SBF2: variants seen among roughly 807,000 people sequenced by gnomAD.
The protein encoded by SBF2 is myotubularin-related protein 13.
A neutral mutation model predicts 225.2 loss-of-function variants in SBF2; 112 were observed. That is an observed-to-expected ratio of 0.50 (90% confidence interval 0.43 to 0.58). The LOEUF (loss-of-function observed/expected upper bound fraction) is 0.58. SBF2 is among the 20% of genes least tolerant of loss of function. The probability of loss-of-function intolerance (pLI) is 0.00; values close to 1 mark genes in which losing one functional copy is unlikely to be tolerated. For synonymous variants in SBF2, 763 were observed against 773.3 expected, an observed-to-expected ratio of 0.99 and a Z score of 0.22; for missense variants, 1,996 against 2,206.2, an observed-to-expected ratio of 0.90 and a Z score of 1.91.
In SBF2 at chr11:9,863,755, T is replaced by TC. The variant is rs1491326268; in HGVS notation, c.1930-5360_1930-5359insG. Among the ~76,000 whole-genome samples the TC allele has an allele frequency of 9.9e-4, 75 of 75,448 alleles. 1 individual carries two copies. Among genetic ancestry groups the TC allele is most frequent in the South Asian group, 3.0e-3 (7 of 2,334 alleles). The allele number at this position is 75,448 out of a possible 152,430, so 49.5% of individuals were successfully genotyped here. The stretch of plus-strand genomic sequence containing the variant: ...TTTGCTTTGTCCCTCCCTCTCTCTC[T>TC]TTTTTTTTTTTTTTAAAGAAAGGAC... On this transcript the variant is annotated intron_variant, in intron 17 of 39. Coordinates refer to ENST00000256190, the MANE Select transcript of SBF2 (RefSeq NM_030962.4).
intron 14 of SBF2, among the ~76,000 whole-genome samples, chr11:9,965,370 C>T (rs1267847800): frequency 2.7e-5 from 4 of 147,060 alleles, no homozygotes; most frequent in Non-Finnish European, 4.4e-5. Flanking sequence ...GGCACGATCT[C>T]GGCTGCCTCC....
At chr11:10,297,126 G>T (rs1964556341), upstream of SBF2, among the ~76,000 whole-genome samples, 1 of 151,974 alleles carries the variant, frequency 6.6e-6, no homozygotes, top group Non-Finnish European at 1.5e-5. Context: ...TATATGATTT[G>T]CAGATATTTT....
chr11:9,835,140 A>G (rs1855654090), intron 26 of SBF2, among the ~76,000 whole-genome samples: 2 of 152,186 alleles, frequency 1.3e-5, no homozygotes, highest in African/African-American at 4.8e-5. Context: ...CTCCACAGTT[A>G]ACTCTCAAGA....
chr11:9,857,491 A>G (rs899342636), intron 18 of SBF2, among the ~76,000 whole-genome samples: 5 of 152,236 alleles, frequency 3.3e-5, no homozygotes, highest in Admixed American at 2.0e-4. Flanking sequence ...AGGCTGCTTT[A>G]AGTTCAATTC....
intron 16 of SBF2, among the ~76,000 whole-genome samples, chr11:9,908,781 T>C (rs908950810): frequency 6.6e-6 from 1 of 152,014 alleles, no homozygotes; most frequent in Admixed American, 6.6e-5. Flanking sequence ...CACTGTAGCC[T>C]TGACCTCCCG....
intron 1 of SBF2, among the ~76,000 whole-genome samples, chr11:10,292,724 G>A (rs1400249913): frequency 6.6e-6 from 1 of 151,190 alleles, no homozygotes; most frequent in Non-Finnish European, 1.5e-5. Flanking sequence ...GAGGGGGGGA[G>A]GCGGAACAAT....
intron 2 of SBF2, among the ~76,000 whole-genome samples, chr11:10,153,696 G>T (rs1955329995): frequency 1.3e-5 from 2 of 151,684 alleles, no homozygotes; most frequent in African/African-American, 4.8e-5. Context: ...CAATGAAAGT[G>T]GTAACAAAAG....
At chr11:10,221,373 C>A (rs1958334407) in intron 1 of SBF2, among the ~76,000 whole-genome samples, 1 of 152,152 alleles carries the variant, frequency 6.6e-6, no homozygotes, top group African/African-American at 2.4e-5. Flanking sequence ...CCGCCTCAGC[C>A]TCCTAAAGTG....
At chr11:10,152,975 G>A (rs1955287895) in intron 2 of SBF2, among the ~76,000 whole-genome samples, 1 of 152,222 alleles carries the variant, frequency 6.6e-6, no homozygotes, top group Non-Finnish European at 1.5e-5. Context: ...TGTTTGGGAA[G>A]AAGCAGCAAA....
chr11:9,967,371 CAA>C (rs35271700), intron 14 of SBF2, among the ~76,000 whole-genome samples: 49 of 103,760 alleles, frequency 4.7e-4, no homozygotes, highest in Admixed American at 5.6e-4. Flanking sequence ...GACTCCGTCT[CAA>C]AAAAAAAAAA....
At chr11:9,891,573 T>A (rs943608168) in intron 17 of SBF2, among the ~76,000 whole-genome samples, 1 of 152,156 alleles carries the variant, frequency 6.6e-6, no homozygotes, top group Non-Finnish European at 1.5e-5. Flanking sequence ...GCTAATAAAT[T>A]GAAATCGAAA....
chr11:10,070,896 C>G (rs765746760), intron 2 of SBF2, among the ~76,000 whole-genome samples: 21 of 152,054 alleles, frequency 1.4e-4, no homozygotes, highest in Non-Finnish European at 2.5e-4. Flanking sequence ...AACTGGATTC[C>G]CAGGTATTTT....
intron 16 of SBF2, among the ~76,000 whole-genome samples, chr11:9,906,173 A>G (rs1370348311): frequency 6.6e-6 from 1 of 152,210 alleles, no homozygotes; most frequent in Admixed American, 6.5e-5. Flanking sequence ...AATGCCTTGC[A>G]TGTTTCTGAA....
intron 1 of SBF2, among the ~76,000 whole-genome samples, chr11:10,222,563 A>T (rs999296779): frequency 1.3e-5 from 2 of 152,204 alleles, no homozygotes; most frequent in African/African-American, 4.8e-5. Context: ...CAGATCAATA[A>T]ATTACCGAAT....
At chr11:10,196,663 C>A (rs1010361527) in intron 1 of SBF2, among the ~76,000 whole-genome samples, 1 of 151,608 alleles carries the variant, frequency 6.6e-6, no homozygotes, top group African/African-American at 2.4e-5. Context: ...ATAGCGTAAG[C>A]CACCGTACCC....
rs937605520 is a variant in SBF2 at position 9,778,872 on chromosome 11, C to CA, written c.*1545dup. Reference sequence around the variant, plus strand: ...CACGAAAGTTAAAGTAATCCAGTTACAAAAGAAGCACTGTGTATAGTCTCA... The same window carrying CA: ...CACGAAAGTTAAAGTAATCCAGTTACAAAAAGAAGCACTGTGTATAGTCTCA... On this transcript the variant is annotated 3_prime_UTR_variant, in exon 40 of 40. Transcript: ENST00000256190. The CA allele has an allele frequency of 1.3e-5, 2 of 152,580 alleles. No individual in the cohort carries two copies. The highest frequency in any genetic ancestry group is 4.8e-5 in the African/African-American group (2 of 41,412). The allele number at this position is 152,580 out of a possible 1,614,324, so 9.5% of individuals were successfully genotyped here.
At chr11:10,263,253 T>C (rs1018593365) in intron 1 of SBF2, among the ~76,000 whole-genome samples, 3 of 152,116 alleles carry the variant, frequency 2.0e-5, no homozygotes, top group African/African-American at 4.8e-5. Context: ...ATATTTTATA[T>C]GGTTTTAATA....
At chr11:9,960,709 G>A (rs1866510187) in intron 16 of SBF2, 1 of 152,100 alleles carries the variant, frequency 6.6e-6, no homozygotes, top group Admixed American at 6.6e-5. Flanking sequence ...CTTTCACCCA[G>A]GCTGGAGTGC....
chr11:10,015,044 G>A (rs560985654), intron 6 of SBF2, among the ~76,000 whole-genome samples: 1 of 152,206 alleles, frequency 6.6e-6, no homozygotes, highest in South Asian at 2.1e-4. Flanking sequence ...TGACGTAGGA[G>A]GACTGCCTGA....
Sources: allele counts gnomAD v4.1 joint callset (sites outside exome capture counted in the v4.1 genomes callset), GRCh38; gene constraint gnomAD v4.1.1; transcripts MANE v1.5; gene names NCBI Gene and HGNC (gene_info 2026-07-23, HGNC 2026-07-21).